SGCZ: variants seen among roughly 807,000 people sequenced by gnomAD.
SGCZ encodes the protein zeta-sarcoglycan.
Under a neutral mutation model 41.3 loss-of-function variants are expected in SGCZ, and 40 were observed. The observed-to-expected ratio is 0.97, with a 90% confidence interval of 0.75 to 1.26. SGCZ has a LOEUF of 1.26. SGCZ is among the 50% of genes most tolerant of loss of function. The pLI is 0.00. For synonymous variants in SGCZ, 206 were observed against 137.5 expected (o/e 1.50, Z -3.49); for missense variants, 552 against 369.8 (o/e 1.49, Z -4.04).
chr8:14,248,724 T>A (rs1799187954), intron 3 of SGCZ, among the ~76,000 whole-genome samples: 1 of 146,286 alleles, frequency 6.8e-6, no homozygotes, highest in South Asian at 2.3e-4. Context: ...TCATTTATGA[T>A]AATTACATTT....
At chr8:14,325,892 C>A (rs1231606200) in intron 2 of SGCZ, among the ~76,000 whole-genome samples, 2 of 146,328 alleles carry the variant, frequency 1.4e-5, no homozygotes, top group South Asian at 4.3e-4. Flanking sequence ...GCGGGCGGAT[C>A]ACGACGTCAG....
At chr8:14,136,563 C>G (rs1328359052) in intron 5 of SGCZ, among the ~76,000 whole-genome samples, 1 of 152,182 alleles carries the variant, frequency 6.6e-6, no homozygotes, top group East Asian at 1.9e-4. Context: ...ACAGCAGTCC[C>G]AGATCAAACT....
At chr8:14,530,054 T>G (rs111334179) in intron 2 of SGCZ, among the ~76,000 whole-genome samples, 3 of 152,066 alleles carry the variant, frequency 2.0e-5, no homozygotes, top group African/African-American at 7.2e-5. Context: ...ATCCTTAATC[T>G]GCCAAATCCT....
intron 2 of SGCZ, among the ~76,000 whole-genome samples, chr8:14,363,282 ACT>A (rs1013793269): frequency 6.6e-6 from 1 of 152,138 alleles, no homozygotes; most frequent in Non-Finnish European, 1.5e-5. Context: ...GCAGTCATAT[ACT>A]CTGTGATTGT....
chr8:14,681,978 A>C (rs899908167), intron 1 of SGCZ, among the ~76,000 whole-genome samples: 8 of 152,128 alleles, frequency 5.3e-5, no homozygotes, highest in Non-Finnish European at 1.2e-4. Context: ...TAATGACTTT[A>C]ATATTCATAG....
chr8:14,374,902 G>A (rs1804056396), intron 2 of SGCZ, among the ~76,000 whole-genome samples: 1 of 152,194 alleles, frequency 6.6e-6, no homozygotes, highest in African/African-American at 2.4e-5. Context: ...ATTTCAGAAT[G>A]AGAGGGAGAT....
chr8:14,434,815 G>C (rs1296981796), intron 2 of SGCZ, among the ~76,000 whole-genome samples: 1 of 152,062 alleles, frequency 6.6e-6, no homozygotes, highest in Non-Finnish European at 1.5e-5. Context: ...TGCAGTCCCA[G>C]CTACTATGGA....
At chr8:14,340,617 G>A (rs1366659113) in intron 2 of SGCZ, among the ~76,000 whole-genome samples, 1 of 151,940 alleles carries the variant, frequency 6.6e-6, no homozygotes, top group Non-Finnish European at 1.5e-5. Context: ...CACTGAGGTT[G>A]AAAAAATGAG....
intron 3 of SGCZ, among the ~76,000 whole-genome samples, chr8:14,318,158 C>A (rs1324204533): frequency 1.3e-5 from 2 of 148,354 alleles, no homozygotes; most frequent in African/African-American, 2.5e-5. Context: ...ATTGGTTTTT[C>A]AAAAGAAAGA....
chr8:14,113,167 A>G (rs1476088766), intron 5 of SGCZ, among the ~76,000 whole-genome samples: 1 of 152,066 alleles, frequency 6.6e-6, no homozygotes, highest in African/African-American at 2.4e-5. Context: ...GCAAAAAGCT[A>G]TAATTATTTT....
intron 1 of SGCZ, among the ~76,000 whole-genome samples, chr8:14,772,203 G>T (rs1478912770): frequency 6.6e-6 from 1 of 152,126 alleles, no homozygotes; most frequent in Non-Finnish European, 1.5e-5. Flanking sequence ...ATTTAAGGTA[G>T]GCTAGGCCAA....
At chr8:14,667,832 C>T (rs11991331) in intron 1 of SGCZ, among the ~76,000 whole-genome samples, 90,070 of 151,962 alleles carry the variant, frequency 0.59, 29,096 homozygotes, top group African/African-American at 0.84. Context: ...TAATGAAAAA[C>T]AATTAGAATA....
At chr8:14,278,942 A>C (rs1034468374) in intron 3 of SGCZ, among the ~76,000 whole-genome samples, 15 of 152,280 alleles carry the variant, frequency 9.9e-5, no homozygotes, top group African/African-American at 3.4e-4. Flanking sequence ...AAATGCCTAC[A>C]AGGCCATGTA....
intron 5 of SGCZ, among the ~76,000 whole-genome samples, chr8:14,111,800 A>G (rs890066744): frequency 6.6e-6 from 1 of 152,220 alleles, no homozygotes; most frequent in Non-Finnish European, 1.5e-5. Context: ...TTTGCCGGAA[A>G]GGAGAAAAGG....
intron 1 of SGCZ, among the ~76,000 whole-genome samples, chr8:14,725,701 C>G (rs958520985): frequency 6.6e-6 from 1 of 151,982 alleles, no homozygotes; most frequent in Non-Finnish European, 1.5e-5. Flanking sequence ...TTTTGGACAA[C>G]GATATCAAGG....
chr8:14,528,841 AACAAAAAC>A, intron 2 of SGCZ, among the ~76,000 whole-genome samples: 1 of 150,588 alleles, frequency 6.6e-6, no homozygotes, highest in African/African-American at 2.5e-5. Flanking sequence ...AAAAAAACAA[AACAAAAAC>A]AAAAAAAGAG....
At chr8:15,166,232 C>CT (rs146755729) in intron 1 of SGCZ, among the ~76,000 whole-genome samples, 30,958 of 145,108 alleles carry the variant, frequency 0.21, 4,163 homozygotes, top group East Asian at 0.68. Context: ...ATGCTCAATC[C>CT]TTTTTTTTTT....
intron 1 of SGCZ, among the ~76,000 whole-genome samples, chr8:14,957,491 A>G (rs1436253021): frequency 2.6e-5 from 4 of 152,020 alleles, no homozygotes; most frequent in Non-Finnish European, 5.9e-5. Context: ...ACATAGATGC[A>G]TATTTTATAT....
chr8:15,007,837 A>C (rs370672481), intron 1 of SGCZ, among the ~76,000 whole-genome samples: 1 of 152,204 alleles, frequency 6.6e-6, no homozygotes, highest in Non-Finnish European at 1.5e-5. Context: ...AGATAAAATC[A>C]TTTCAAACTT....
Sources: allele counts gnomAD v4.1 joint callset (sites outside exome capture counted in the v4.1 genomes callset), GRCh38; gene constraint gnomAD v4.1.1; transcripts MANE v1.5; gene names NCBI Gene and HGNC (gene_info 2026-07-23, HGNC 2026-07-21).